Variants in STAT2 observed in about 807,000 individuals in gnomAD.
STAT2 encodes signal transducer and activator of transcription 2.
In STAT2, 51 loss-of-function variants were observed where a neutral mutation model predicts 122.3. The ratio of observed to expected loss-of-function variants is 0.42; its 90% CI spans 0.33 to 0.53. The LOEUF is 0.53. STAT2 is among the 20% of genes least tolerant of loss of function. The probability of loss-of-function intolerance (pLI) is 0.10; values close to 1 mark genes in which losing one functional copy is unlikely to be tolerated. For missense variants in STAT2, 736 were observed against 1,010.3 expected (o/e 0.73, Z 3.68); for synonymous variants, 351 against 394.9 (o/e 0.89, Z 1.32).
At position 56,347,400 on chromosome 12, in the gene STAT2, AG is replaced by A. The variant is rs562029624; in HGVS notation, c.1725-446del. Among the ~76,000 whole-genome samples, 1,519 of 152,220 alleles carry A rather than the reference AG, an allele frequency of 1.0e-2. 16 individuals are homozygous for A. Among genetic ancestry groups the A allele is most frequent in the Non-Finnish European group, 0.016 (1,122 of 68,016 alleles). On this transcript the variant is annotated intron_variant, in intron 19 of 23. Transcript: ENST00000314128. ...GAGACGGGGTTTCACCACGTGGCCC[AG>A]GGTAGTTTTGAACTCCTGGGCTCAA...
intron 10 of STAT2, 70 bp downstream of exon 10, chr12:56,351,028 C>T (rs1447693451): frequency 5.0e-6 from 8 of 1,584,494 alleles, no homozygotes; most frequent in Non-Finnish European, 6.9e-6. Flanking sequence ...GTGGGAAGAG[C>T]TGTAAAGCCA....
chr12:56,344,372 G>C (rs1877033229), intron 22 of STAT2, among the ~76,000 whole-genome samples: 2 of 152,166 alleles, frequency 1.3e-5, no homozygotes, highest in Non-Finnish European at 2.9e-5. Context: ...AGTAATTCTT[G>C]AGAGGCAGTA....
rs562740965 is a variant in STAT2 at position 56,355,877 on chromosome 12, C to T, written c.286-74G>A. ...GACCTATTGCCCTAGACCCTCCCCACCAATGTCCACAGTATTTCCTCCTCC... is the reference window on the plus strand; with the variant it reads ...GACCTATTGCCCTAGACCCTCCCCATCAATGTCCACAGTATTTCCTCCTCC... On this transcript the variant is annotated intron_variant, in intron 3 of 23. Transcript: ENST00000314128. 2.1e-6 allele frequency: 3 copies of T among 1,452,074 alleles called. No homozygotes were observed. The African/African-American group carries it at 4.2e-5, about 20-fold the overall frequency. The allele number at this position is 1,452,074 out of a possible 1,614,324, so 89.9% of individuals were successfully genotyped here. A position where few individuals can be genotyped will look rare whatever the true frequency, so the allele number is the denominator to read the frequency against.
intron 3 of STAT2, 23 bp downstream of exon 3, chr12:56,356,109 T>C: frequency 6.2e-7 from 1 of 1,610,324 alleles, no homozygotes; most frequent in Non-Finnish European, 8.5e-7. Flanking sequence ...TGCTACCCCA[T>C]CACTCCCAAC....
chr12:56,343,733 G>C, intron 23 of STAT2, 92 bp downstream of exon 23: 1 of 1,564,496 alleles, frequency 6.4e-7, no homozygotes, highest in South Asian at 1.2e-5. Flanking sequence ...CCAATGAGGA[G>C]CTTGGAGTTC....
chr12:56,346,286 G>A, intron 21 of STAT2, 83 bp from the exon 22 acceptor site: 1 of 1,574,878 alleles, frequency 6.3e-7, no homozygotes, highest in Admixed American at 1.7e-5. Flanking sequence ...GATGGTCCTG[G>A]CAGTCTCATC....
chr12:56,354,895 G>A (rs2136084896), intron 6 of STAT2, 32 bp from the exon 7 acceptor site: 3 of 1,600,106 alleles, frequency 1.9e-6, no homozygotes, highest in South Asian at 1.1e-5. Context: ...CAGTCCAGGG[G>A]TTCTTTCCTC....
chr12:56,356,589 A>C lies in STAT2; in HGVS notation c.-7-11T>G, dbSNP rs1879547698. On this transcript the variant is annotated splice_polypyrimidine_tract_variant and intron_variant, in intron 1 of 23. Coordinates refer to ENST00000314128, the MANE Select transcript of STAT2 (RefSeq NM_005419.4). ...TGCGCCATTTGGGCTCTGCGTCAGA[A>C]GGATGAGGGTTCCCAATTGGATATT... 1.2e-6 allele frequency: 2 copies of C among 1,613,604 alleles called. No individual in the cohort carries two copies. The highest frequency in any genetic ancestry group is 2.2e-5 in the South Asian group (2 of 91,020).
chr12:56,356,521 C>T lies in STAT2; in HGVS notation c.51G>A (p.Gln17=). 4 of 1,614,208 alleles carry T rather than the reference C, an allele frequency of 2.5e-6. No individual in the cohort carries two copies. Among genetic ancestry groups the T allele is most frequent in the Non-Finnish European group, 3.4e-6 (4 of 1,180,042 alleles). The stretch of plus-strand genomic sequence containing the variant: ...GGCTGTGCGAGTAAAGCTGGTGCAG[C>T]TGATCCTGAAAGGGGCTGTCAAGAT... The part of the protein sequence containing the change: ...LQNLDSPFQD[Q]LHQLYSHSLL... Residue 17 remains glutamine (Q), a synonymous_variant, in exon 2 of 24, where the codon CAG becomes CAA. Transcript: ENST00000314128.
Position 56,354,371 on chromosome 12 carries a change from C to A in STAT2, c.782+95G>T, listed in dbSNP as rs1237248769. 1.0e-5 allele frequency: 16 copies of A among 1,568,630 alleles called. No individual in the cohort carries two copies. In the East Asian group the frequency reaches 2.7e-4, roughly 26 times the overall value. Reference sequence around the variant, plus strand: ...CAGGGCTCATTCTGGGGAGCAGAGACAAATAGAGAACAGTATCTCTTGCTA... The same window carrying A: ...CAGGGCTCATTCTGGGGAGCAGAGAAAAATAGAGAACAGTATCTCTTGCTA... On this transcript the variant is annotated intron_variant, in intron 8 of 23. Coordinates refer to ENST00000314128, the MANE Select transcript of STAT2 (RefSeq NM_005419.4).
At chr12:56,346,698 C>A in intron 20 of STAT2, 74 bp from the exon 21 acceptor site, 1 of 1,601,752 alleles carries the variant, frequency 6.2e-7, no homozygotes, top group East Asian at 2.2e-5. Context: ...TCTGGCTGCC[C>A]AGTCCCAAAC....
At chr12:56,350,567 A>C in intron 11 of STAT2, 135 bp from the exon 12 acceptor site, 1 of 826,214 alleles carries the variant, frequency 1.2e-6, no homozygotes, top group Non-Finnish European at 1.9e-6. Flanking sequence ...GAAGAGATGT[A>C]ATCAGTCTCT....
chr12:56,351,863 G>A (rs959058085), intron 8 of STAT2, among the ~76,000 whole-genome samples: 2 of 151,722 alleles, frequency 1.3e-5, no homozygotes, highest in African/African-American at 4.8e-5. Flanking sequence ...GCTTGTATGT[G>A]ATCCCAGGCA....
intron 22 of STAT2, among the ~76,000 whole-genome samples, chr12:56,345,791 A>T (rs529292104): frequency 4.0e-5 from 6 of 151,682 alleles, no homozygotes; most frequent in African/African-American, 1.5e-4. Context: ...CTGTCTGGAA[A>T]AAAAAAAAGC....
At position 56,346,425 on chromosome 12, in the gene STAT2, A is replaced by G; in HGVS notation, c.2044+17T>C. 1 of 1,614,002 alleles carries G rather than the reference A, an allele frequency of 6.2e-7. No individual in the cohort carries two copies. The highest frequency in any genetic ancestry group is 2.2e-5 in the East Asian group (1 of 44,886). ...GATCTCTGCAATCTAGCAATGAAGTATGTCAACGATTCCCACCTTTCTCCT... is the reference window on the plus strand; with the variant it reads ...GATCTCTGCAATCTAGCAATGAAGTGTGTCAACGATTCCCACCTTTCTCCT... On this transcript the variant is annotated intron_variant, in intron 21 of 23. Coordinates refer to ENST00000314128, the MANE Select transcript of STAT2 (RefSeq NM_005419.4).
intron 8 of STAT2, among the ~76,000 whole-genome samples, chr12:56,353,513 T>C (rs1338539179): frequency 6.6e-6 from 1 of 152,112 alleles, no homozygotes; most frequent in Admixed American, 6.5e-5. Flanking sequence ...TTCAAGTATG[T>C]TGGAGGACAC....
intron 3 of STAT2, among the ~76,000 whole-genome samples, 154 bp from the exon 4 acceptor site, chr12:56,355,957 C>A (rs75382075): frequency 1.3e-5 from 2 of 152,180 alleles, no homozygotes; most frequent in African/African-American, 4.8e-5. Flanking sequence ...AACAGTGTCA[C>A]GTATATGCAA....
At chr12:56,351,561 A>G (rs1211113930) in intron 8 of STAT2, 111 bp from the exon 9 acceptor site, 7 of 1,106,208 alleles carry the variant, frequency 6.3e-6, no homozygotes, top group Non-Finnish European at 9.0e-6. Flanking sequence ...ACTGGGGGGA[A>G]GAAAAAAAAA....
chr12:56,350,825 T>G lies in STAT2; in HGVS notation c.1094+4A>C, dbSNP rs1399043025. The G allele has an allele frequency of 1.2e-6, 2 of 1,613,900 alleles. No homozygotes were observed. The highest frequency in any genetic ancestry group is 3.3e-5 in the Admixed American group (2 of 60,006). ...CTGGCCACCCTTCACCTGCTCCAAT[T>G]TACCTGTCAATGGAGACTTCCACAG... On this transcript the variant is annotated splice_donor_region_variant and intron_variant, in intron 11 of 23. Coordinates refer to ENST00000314128, the MANE Select transcript of STAT2 (RefSeq NM_005419.4).
Sources: gnomAD v4.1 joint callset for allele counts (sites outside exome capture counted in the v4.1 genomes callset) on GRCh38, gnomAD v4.1.1 for gene constraint, MANE v1.5 for transcripts, NCBI Gene and HGNC (gene_info 2026-07-23, HGNC 2026-07-21) for gene names.